CILK1: variants seen among roughly 807,000 people sequenced by gnomAD.
The protein encoded by CILK1 is serine/threonine-protein kinase ICK.
A neutral mutation model predicts 79.2 loss-of-function variants in CILK1; 47 were observed. That is an observed-to-expected ratio of 0.59 (90% CI 0.47 to 0.76). The LOEUF is 0.76. CILK1 is among the 30% of genes least tolerant of loss of function. The pLI, the probability that CILK1 is intolerant of heterozygous loss-of-function variation, is 0.00. For synonymous variants in CILK1, 266 were observed against 275.9 expected, an observed-to-expected ratio of 0.96 and a Z score of 0.36; for missense variants, 660 against 769.5, an observed-to-expected ratio of 0.86 and a Z score of 1.68.
intron 5 of CILK1, among the ~76,000 whole-genome samples, chr6:53,026,647 T>A (rs1323573057): frequency 1.3e-5 from 2 of 152,178 alleles, no homozygotes; most frequent in African/African-American, 4.8e-5. Context: ...AAAACTCTGA[T>A]TCGTAGCAGG....
intron 1 of CILK1, among the ~76,000 whole-genome samples, chr6:53,047,497 T>G (rs1581757483): frequency 9.4e-6 from 1 of 106,562 alleles, no homozygotes; most frequent in Non-Finnish European, 1.9e-5. Context: ...AGAGATGAGG[T>G]CTCTTTTTTT....
intron 11 of CILK1, 149 bp downstream of exon 11, chr6:53,011,620 C>T: frequency 2.3e-6 from 2 of 853,656 alleles, no homozygotes; most frequent in Non-Finnish European, 4.0e-6. Context: ...GAGGCTTGGG[C>T]TTCAGCAAAT....
At chr6:53,007,337 C>T (rs569068808) in intron 12 of CILK1, among the ~76,000 whole-genome samples, 30 of 152,072 alleles carry the variant, frequency 2.0e-4, no homozygotes, top group Non-Finnish European at 3.4e-4. Context: ...GTATTTTGTA[C>T]TTTGGTGAAT....
intron 7 of CILK1, 98 bp downstream of exon 7, chr6:53,018,232 G>C: frequency 8.7e-7 from 1 of 1,147,192 alleles, no homozygotes; most frequent in Non-Finnish European, 1.3e-6. Context: ...GCCTAGAATG[G>C]GCAGGTGCTC....
rs1387167497 is a variant in CILK1, at chr6:53,003,083, T to G, written c.*2066A>C. On this transcript the variant is annotated 3_prime_UTR_variant, in exon 14 of 14. Transcript: ENST00000676107. ...CTCTGAAAACACATGTTCTGATGCT[T>G]TAGATAACGAGTTGAGAATATAATA... 1 of 152,672 alleles carries G rather than the reference T, an allele frequency of 6.5e-6. No homozygotes were observed. Among genetic ancestry groups the G allele is most frequent in the Non-Finnish European group, 1.5e-5 (1 of 68,036 alleles). The allele number at this position is 152,672 out of a possible 1,614,324, so 9.5% of individuals were successfully genotyped here. A position where few individuals can be genotyped will look rare whatever the true frequency, so the allele number is the denominator to read the frequency against.
At chr6:53,020,189 C>T (rs1488238849) in intron 5 of CILK1, among the ~76,000 whole-genome samples, 1 of 152,126 alleles carries the variant, frequency 6.6e-6, no homozygotes, top group Non-Finnish European at 1.5e-5. Flanking sequence ...TAACTCATTA[C>T]GTAGGAAGCC....
At chr6:53,032,903 GC>G (rs1011372251) in intron 3 of CILK1, among the ~76,000 whole-genome samples, 35 of 152,260 alleles carry the variant, frequency 2.3e-4, no homozygotes, top group African/African-American at 7.9e-4. Flanking sequence ...ATTTCTGGCT[GC>G]CCCCAGCACC....
At position 53,046,640 on chromosome 6, in the gene CILK1, C is replaced by T. The variant is rs565372305; in HGVS notation, c.-172-5232G>A. ...GCTACTTCAGGTAATTACCTAACAA[C>T]TATACAATGGATCAGACTAGTGTCT... On this transcript the variant is annotated intron_variant, in intron 1 of 13. Coordinates refer to ENST00000676107, the MANE Select transcript of CILK1 (RefSeq NM_014920.5). Among the ~76,000 whole-genome samples the T allele has an allele frequency of 3.9e-5, 6 of 152,328 alleles. No homozygotes were observed. In the South Asian group the frequency reaches 1.2e-3, roughly 32 times the overall value.
intron 1 of CILK1, among the ~76,000 whole-genome samples, chr6:53,050,877 A>T (rs1224616039): frequency 6.6e-6 from 1 of 152,216 alleles, no homozygotes; most frequent in East Asian, 1.9e-4. Flanking sequence ...TGCATTTTTG[A>T]TATACAGCAA....
chr6:53,043,588 A>G (rs1419736155), intron 1 of CILK1, among the ~76,000 whole-genome samples: 1 of 151,610 alleles, frequency 6.6e-6, no homozygotes, highest in East Asian at 1.9e-4. Context: ...ACTCCCTACA[A>G]CCTCCTTCAG....
intron 2 of CILK1, 115 bp downstream of exon 2, chr6:53,041,021 A>C: frequency 1.3e-6 from 1 of 771,274 alleles, no homozygotes; most frequent in Non-Finnish European, 2.4e-6. Context: ...CACAGCAATC[A>C]TTATCTAAGG....
intron 1 of CILK1, among the ~76,000 whole-genome samples, chr6:53,059,903 T>A (rs1160220087): frequency 2.0e-5 from 3 of 152,200 alleles, no homozygotes; most frequent in Non-Finnish European, 2.9e-5. Context: ...AATGAGAGCT[T>A]ACTAAGAGTC....
intron 1 of CILK1, among the ~76,000 whole-genome samples, chr6:53,044,281 G>A (rs538565198): frequency 4.9e-4 from 75 of 152,210 alleles, no homozygotes; most frequent in Non-Finnish European, 9.8e-4. Flanking sequence ...GATTCTCACA[G>A]AAGCACGAAC....
chr6:53,049,450 G>T (rs1767329072), intron 1 of CILK1, among the ~76,000 whole-genome samples: 1 of 152,334 alleles, frequency 6.6e-6, no homozygotes, highest in Non-Finnish European at 1.5e-5. Context: ...ATGCAAGTAA[G>T]ATACAAACCT....
Position 53,013,764 on chromosome 6 carries a change from G to A in CILK1, c.1050C>T (p.Pro350=), listed in dbSNP as rs369311828. Residue 350 remains proline, a synonymous_variant, in exon 9 of 14, where the codon CCC becomes CCT. Coordinates refer to ENST00000676107, the MANE Select transcript of CILK1 (RefSeq NM_014920.5). ...CTGTCCTGGAGACCTCTGCTTTGTA[G>A]GGGTACGTGAGATGCAGAGGGGGCT... ...ASQPPLHLTY[P]YKAEVSRTDH... is the part of the protein sequence containing the mutation. 8.1e-6 allele frequency: 13 copies of A among 1,614,030 alleles called. No individual in the cohort carries two copies. Among genetic ancestry groups the A allele is most frequent in the Non-Finnish European group, 1.1e-5 (13 of 1,180,028 alleles).
At chr6:53,033,163 C>A (rs947197050) in intron 3 of CILK1, among the ~76,000 whole-genome samples, 3 of 152,202 alleles carry the variant, frequency 2.0e-5, no homozygotes, top group African/African-American at 7.2e-5. Flanking sequence ...GTCCATGAGG[C>A]ATAGAGCACT....
chr6:53,059,528 C>T (rs1017911207), intron 1 of CILK1, among the ~76,000 whole-genome samples: 32 of 152,160 alleles, frequency 2.1e-4, no homozygotes, highest in Non-Finnish European at 4.6e-4. Flanking sequence ...AGGTAGGAGT[C>T]GCACAGGAGA....
At chr6:53,061,408 C>G (rs1438333863) in intron 1 of CILK1, among the ~76,000 whole-genome samples, 188 bp downstream of exon 1, 1 of 152,214 alleles carries the variant, frequency 6.6e-6, no homozygotes, top group Non-Finnish European at 1.5e-5. Flanking sequence ...CCTCCAGGCT[C>G]CGAGTTTTCA....
Position 53,013,763 on chromosome 6 carries a change from A to C in CILK1, c.1051T>G (p.Tyr351Asp). 6.2e-7 allele frequency: 1 copy of C among 1,614,042 alleles called. No individual in the cohort carries two copies. Residue 351 changes from tyrosine (Y) to aspartate (D), a missense_variant, in exon 9 of 14, where the codon TAC (tyrosine) becomes GAC (aspartate). By Grantham distance (160) the Tyr-to-Asp change is radical (BLOSUM62 -3). Coordinates refer to ENST00000676107, the MANE Select transcript of CILK1 (RefSeq NM_014920.5). ...SQPPLHLTYP[Y>D]KAEVSRTDHP... ...TCTGTCCTGGAGACCTCTGCTTTGT[A>C]GGGGTACGTGAGATGCAGAGGGGGC...
Sources: allele counts gnomAD v4.1 joint callset (sites outside exome capture counted in the v4.1 genomes callset), GRCh38; gene constraint gnomAD v4.1.1; transcripts MANE v1.5; gene names NCBI Gene and HGNC (gene_info 2026-07-23, HGNC 2026-07-21).